The following NR3C2 variants were observed in gnomAD, a reference collection of about 807,000 sequenced individuals.
The protein encoded by NR3C2 is mineralocorticoid receptor.
A neutral mutation model predicts 86.4 loss-of-function variants in NR3C2; 15 were observed. That is an observed-to-expected ratio of 0.17 (90% CI 0.12 to 0.27). NR3C2 has a LOEUF of 0.27. Ranked by LOEUF, NR3C2 falls within the 10% of genes least tolerant of loss-of-function variation. The pLI is 1.00. For missense variants in NR3C2, 960 were observed against 1,195.6 expected (o/e 0.80, Z 2.91); for synonymous variants, 458 against 450.5 (o/e 1.02, Z -0.21).
At chr4:148,208,874 A>T (rs1385622053) in intron 3 of NR3C2, 1 of 152,236 alleles carries the variant, frequency 6.6e-6, no homozygotes, top group Non-Finnish European at 1.5e-5. Flanking sequence ...ATAGAGAAAA[A>T]TAATAATTTA....
intron 6 of NR3C2, among the ~76,000 whole-genome samples, chr4:148,139,638 CTGTAGGTATGTA>C (rs1733517270): frequency 6.6e-6 from 1 of 152,310 alleles, no homozygotes; most frequent in East Asian, 1.9e-4. Flanking sequence ...GTTGTCACAC[CTGTAGGTATGTA>C]TGTTGGCTCG....
chr4:148,233,087 G>A (rs530713581), intron 3 of NR3C2, among the ~76,000 whole-genome samples: 2 of 152,286 alleles, frequency 1.3e-5, no homozygotes, highest in Admixed American at 1.3e-4. Flanking sequence ...TTAAAAGTGC[G>A]AATCTGTGAA....
intron 4 of NR3C2, among the ~76,000 whole-genome samples, chr4:148,191,773 A>G (rs1029508696): frequency 6.6e-6 from 1 of 152,090 alleles, no homozygotes; most frequent in Non-Finnish European, 1.5e-5. Context: ...GTTCAATTCT[A>G]TTGCTTAGAC....
intron 2 of NR3C2, among the ~76,000 whole-genome samples, chr4:148,270,963 G>C (rs1740650684): frequency 6.6e-6 from 1 of 152,062 alleles, no homozygotes; most frequent in Non-Finnish European, 1.5e-5. Context: ...CTGACCTCTG[G>C]CTTTAATGAT....
At chr4:148,416,734 T>C (rs1317667206) in intron 2 of NR3C2, among the ~76,000 whole-genome samples, 1 of 152,234 alleles carries the variant, frequency 6.6e-6, no homozygotes, top group Non-Finnish European at 1.5e-5. Context: ...AGTAGCATGA[T>C]TAAACAGTTT....
At chr4:148,396,132 A>G (rs1747847497) in intron 2 of NR3C2, among the ~76,000 whole-genome samples, 2 of 152,262 alleles carry the variant, frequency 1.3e-5, no homozygotes, top group Non-Finnish European at 2.9e-5. Context: ...CAAATGTCTA[A>G]AACAAAATAG....
At chr4:148,340,080 C>T (rs574136281) in intron 2 of NR3C2, among the ~76,000 whole-genome samples, 2 of 152,148 alleles carry the variant, frequency 1.3e-5, no homozygotes, top group South Asian at 2.1e-4. Flanking sequence ...AGCCCATGCT[C>T]GTGGATGGAA....
chr4:148,231,259 C>T (rs938654550), intron 3 of NR3C2, among the ~76,000 whole-genome samples: 1 of 152,270 alleles, frequency 6.6e-6, no homozygotes, highest in African/African-American at 2.4e-5. Flanking sequence ...TATTTCACAA[C>T]GAACCAAAAC....
chr4:148,127,465 T>C (rs1463225723), intron 6 of NR3C2, among the ~76,000 whole-genome samples: 1 of 152,342 alleles, frequency 6.6e-6, no homozygotes, highest in South Asian at 2.1e-4. Flanking sequence ...ATATAATGCT[T>C]CTGTAAAACA....
At chr4:148,186,211 T>C (rs936322055) in intron 4 of NR3C2, among the ~76,000 whole-genome samples, 5 of 152,212 alleles carry the variant, frequency 3.3e-5, no homozygotes, top group African/African-American at 1.2e-4. Flanking sequence ...TCTATTATAA[T>C]GATTAGATTT....
intron 6 of NR3C2, among the ~76,000 whole-genome samples, chr4:148,132,504 C>T (rs190051135): frequency 1.1e-4 from 17 of 152,260 alleles, no homozygotes; most frequent in Middle Eastern, 3.4e-3. Flanking sequence ...ATGAATACGC[C>T]TGGCACTTAA....
intron 6 of NR3C2, among the ~76,000 whole-genome samples, chr4:148,145,696 A>G (rs1229314945): frequency 1.3e-5 from 2 of 152,186 alleles, no homozygotes; most frequent in African/African-American, 4.8e-5. Context: ...TTTCATGGTC[A>G]GGCTGTCGGC....
At chr4:148,317,742 T>C (rs1191414091) in intron 2 of NR3C2, among the ~76,000 whole-genome samples, 2 of 150,062 alleles carry the variant, frequency 1.3e-5, no homozygotes, top group Admixed American at 1.3e-4. Context: ...TGGTCAAAAA[T>C]GAAAACCTAA....
chr4:148,304,352 T>TTTTTTTTA (rs141707087), intron 2 of NR3C2, among the ~76,000 whole-genome samples: 2 of 130,034 alleles, frequency 1.5e-5, no homozygotes, highest in African/African-American at 2.9e-5. Flanking sequence ...TTTTTTTTTT[T>TTTTTTTTA]AACCAGTTGG....
chr4:148,301,949 T>C (rs1398266817), intron 2 of NR3C2, among the ~76,000 whole-genome samples: 2 of 152,234 alleles, frequency 1.3e-5, no homozygotes, highest in African/African-American at 4.8e-5. Context: ...TTGTATGGTA[T>C]TTCTAAAATT....
At chr4:148,444,316 G>C (rs1413029367), upstream of NR3C2, 4 of 985,442 alleles carry the variant, frequency 4.1e-6, no homozygotes, top group African/African-American at 5.2e-5. Flanking sequence ...GAACCGTGCA[G>C]GGGCAGCCGC....
intron 6 of NR3C2, among the ~76,000 whole-genome samples, chr4:148,124,402 A>C (rs1165020285): frequency 6.6e-6 from 1 of 152,204 alleles, no homozygotes; most frequent in Non-Finnish European, 1.5e-5. Context: ...TGCAGATAGT[A>C]TTCAACTATA....
intron 4 of NR3C2, among the ~76,000 whole-genome samples, chr4:148,175,575 C>A (rs140795597): frequency 6.6e-6 from 1 of 152,042 alleles, no homozygotes; most frequent in African/African-American, 2.4e-5. Context: ...GTTTTTAATG[C>A]CATGAAATTT....
At chr4:148,141,366 G>A (rs887181949) in intron 6 of NR3C2, among the ~76,000 whole-genome samples, 10 of 152,010 alleles carry the variant, frequency 6.6e-5, no homozygotes, top group East Asian at 1.9e-4. Context: ...CCCAGGAGGC[G>A]GAGGTTGCAC....
Sources: gnomAD v4.1 joint callset for allele counts (sites outside exome capture counted in the v4.1 genomes callset) on GRCh38, gnomAD v4.1.1 for gene constraint, MANE v1.5 for transcripts, NCBI Gene and HGNC (gene_info 2026-07-23, HGNC 2026-07-21) for gene names.